Variants in HDAC8 observed in about 807,000 individuals in gnomAD.
HDAC8 encodes histone deacetylase-like 1.
HDAC8 carries 1 observed loss-of-function variant against 32.2 expected under a neutral mutation model. That is an observed-to-expected ratio of 0.03 (90% CI 0.01 to 0.15). The LOEUF is 0.15. HDAC8 is among the 10% of genes least tolerant of loss of function. HDAC8 has a pLI of 1.00. For synonymous variants in HDAC8, 108 were observed against 113.9 expected (o/e 0.95, Z 0.33); for missense variants, 117 against 300.0 (o/e 0.39, Z 4.51).
At chrX:72,446,846 T>A (rs782771019) in intron 9 of HDAC8, among the ~76,000 whole-genome samples, 1 of 110,410 alleles carries the variant, frequency 9.1e-6, no homozygotes, top group African/African-American at 3.3e-5. Context: ...AGAAAAAAAA[T>A]GGATAAATTC....
At chrX:72,360,281 G>A (rs1183852300) in intron 9 of HDAC8, among the ~76,000 whole-genome samples, 1 of 109,595 alleles carries the variant, frequency 9.1e-6, no homozygotes, top group African/African-American at 3.3e-5. Flanking sequence ...CTTGAACCCA[G>A]GAGGCGGAGG....
chrX:72,466,311 T>A (rs1233865462), intron 7 of HDAC8, among the ~76,000 whole-genome samples: 1 of 111,894 alleles, frequency 8.9e-6, no homozygotes, highest in Non-Finnish European at 1.9e-5. Flanking sequence ...GCTGCAGGAA[T>A]AAAGATGAAT....
chrX:72,339,294 C>A (rs1449236148), intron 10 of HDAC8, among the ~76,000 whole-genome samples: 1 of 112,418 alleles, frequency 8.9e-6, no homozygotes, highest in Non-Finnish European at 1.9e-5. Context: ...ATGGCCTAGG[C>A]CCTGTGCTGG....
chrX:72,352,009 C>T (rs1011464257), intron 9 of HDAC8, among the ~76,000 whole-genome samples, 171 bp from the exon 10 acceptor site: 2 of 111,940 alleles, frequency 1.8e-5, no homozygotes, highest in African/African-American at 6.5e-5. Context: ...ATCACTACTC[C>T]CCTTGCTCAG....
intron 4 of HDAC8, among the ~76,000 whole-genome samples, chrX:72,546,818 C>T (rs2050878519): frequency 9.0e-6 from 1 of 111,376 alleles, no homozygotes; most frequent in Non-Finnish European, 1.9e-5. Context: ...TCATTCTTGA[C>T]TTCTTTCGCT....
At chrX:72,377,551 T>C (rs1602626817) in intron 9 of HDAC8, among the ~76,000 whole-genome samples, 1 of 112,003 alleles carries the variant, frequency 8.9e-6, no homozygotes, top group East Asian at 2.8e-4. Flanking sequence ...ACTTCTTTAG[T>C]TTTTGTTGCA....
intron 9 of HDAC8, among the ~76,000 whole-genome samples, chrX:72,409,349 G>A (rs1242933371): frequency 9.0e-6 from 1 of 111,422 alleles, no homozygotes; most frequent in Non-Finnish European, 1.9e-5. Flanking sequence ...CCTACAACCT[G>A]TCTACCAACT....
At chrX:72,358,952 G>A (rs2044454447) in intron 9 of HDAC8, among the ~76,000 whole-genome samples, 1 of 112,010 alleles carries the variant, frequency 8.9e-6, no homozygotes, top group African/African-American at 3.2e-5. Flanking sequence ...GAGCTCAGAT[G>A]GTAATGCTCA....
At chrX:72,348,405 T>C (rs1271873158) in intron 10 of HDAC8, among the ~76,000 whole-genome samples, 1 of 112,051 alleles carries the variant, frequency 8.9e-6, no homozygotes, top group Admixed American at 9.4e-5. Context: ...ATTCAGAAAA[T>C]TCAGCAGCCT....
At chrX:72,524,335 T>C (rs1226381476) in intron 4 of HDAC8, among the ~76,000 whole-genome samples, 1 of 111,999 alleles carries the variant, frequency 8.9e-6, no homozygotes, top group Non-Finnish European at 1.9e-5. Context: ...TGCCATTCTC[T>C]ACCTCATACC....
chrX:72,458,747 T>G (rs2047789403), intron 9 of HDAC8, among the ~76,000 whole-genome samples: 1 of 111,915 alleles, frequency 8.9e-6, no homozygotes, highest in Non-Finnish European at 1.9e-5. Flanking sequence ...GTAAGTGTTA[T>G]AGGTATATAT....
At chrX:72,572,438 TGTCCATTGGAC>T (rs1406697488) in intron 1 of HDAC8, 6 of 403,758 alleles carry the variant, frequency 1.5e-5, no homozygotes, top group African/African-American at 2.6e-5. Flanking sequence ...CACTCCTACC[TGTCCATTGGAC>T]GTCCCGAAGA....
chrX:72,513,316 T>G (rs533896671), intron 4 of HDAC8, among the ~76,000 whole-genome samples: 1 of 110,778 alleles, frequency 9.0e-6, no homozygotes, highest in Admixed American at 9.7e-5. Flanking sequence ...TGCTTTAAAC[T>G]TTTTCTAATT....
rs73624234 is a variant in HDAC8 at position 72,541,572 on chromosome X, G to A, written c.437+26317C>T. ...ATGTTGTGTGGAGAACAGACCAAAG[G>A]GGGCAAGGCTAGAAGCAGGAACGCT... On this transcript the variant is annotated intron_variant, in intron 4 of 10. Coordinates refer to ENST00000373573, the MANE Select transcript of HDAC8 (RefSeq NM_018486.3). Among the ~76,000 whole-genome samples, 153 of 111,887 alleles carry A rather than the reference G, an allele frequency of 1.4e-3. 2 individuals are homozygous for A. The highest frequency in any genetic ancestry group is 4.6e-3 in the African/African-American group (143 of 30,827).
At chrX:72,349,294 T>G (rs954866344) in intron 10 of HDAC8, among the ~76,000 whole-genome samples, 3 of 112,098 alleles carry the variant, frequency 2.7e-5, no homozygotes, top group Non-Finnish European at 5.6e-5. Flanking sequence ...CTGACTGACC[T>G]CCAGGAACAT....
intron 9 of HDAC8, among the ~76,000 whole-genome samples, chrX:72,442,240 C>T (rs2047179963): frequency 9.0e-6 from 1 of 110,723 alleles, no homozygotes; most frequent in African/African-American, 3.3e-5. Context: ...TTGTCAGATT[C>T]ACCAAAGTTG....
chrX:72,449,822 T>G (rs2047525507), intron 9 of HDAC8, among the ~76,000 whole-genome samples: 1 of 111,913 alleles, frequency 8.9e-6, no homozygotes, highest in South Asian at 3.8e-4. Flanking sequence ...AAACAGTAAT[T>G]AAAAGAAAGC....
chrX:72,480,434 G>A (rs1384400596), intron 7 of HDAC8: 3 of 330,206 alleles, frequency 9.1e-6, no homozygotes, highest in Non-Finnish European at 1.8e-5. Flanking sequence ...CTGTGCAGAA[G>A]TAGAAATGCT....
At chrX:72,376,382 CTTT>C (rs782478048) in intron 9 of HDAC8, among the ~76,000 whole-genome samples, 23 of 111,900 alleles carry the variant, frequency 2.1e-4, no homozygotes, top group Non-Finnish European at 4.1e-4. Flanking sequence ...TTTTTCTATT[CTTT>C]ATTTCAGTTC....
Sources: allele counts gnomAD v4.1 joint callset (sites outside exome capture counted in the v4.1 genomes callset), GRCh38; gene constraint gnomAD v4.1.1; transcripts MANE v1.5; gene names NCBI Gene and HGNC (gene_info 2026-07-23, HGNC 2026-07-21).